Variants in PIK3CB observed in about 807,000 individuals in gnomAD.
PIK3CB encodes the protein phosphatidylinositol 4,5-bisphosphate 3-kinase catalytic subunit beta isoform.
In PIK3CB, 39 loss-of-function variants were observed where a neutral mutation model predicts 136.8. The observed-to-expected ratio is 0.29, with a 90% CI of 0.22 to 0.37. PIK3CB has a LOEUF of 0.37. Among genes scored for constraint, PIK3CB ranks in the 10% least tolerant of loss-of-function variants. PIK3CB has a pLI of 1.00. For missense variants in PIK3CB, 868 were observed against 1,275.4 expected, an observed-to-expected ratio of 0.68 and a Z score of 4.87; for synonymous variants, 428 against 436.6, an observed-to-expected ratio of 0.98 and a Z score of 0.25.
At chr3:138,694,697 T>G in intron 14 of PIK3CB, 89 bp downstream of exon 14, 1 of 1,347,172 alleles carries the variant, frequency 7.4e-7, no homozygotes, top group Non-Finnish European at 1.0e-6. Flanking sequence ...TGAGCCCTTT[T>G]CTTTCTTATG....
intron 2 of PIK3CB, among the ~76,000 whole-genome samples, chr3:138,788,997 A>AAAAAC (rs1559879235): frequency 6.7e-6 from 1 of 150,088 alleles, no homozygotes; most frequent in African/African-American, 2.5e-5. Context: ...AAAAAACAAA[A>AAAAAC]AACAACACCA....
Position 138,681,775 on chromosome 3 carries a change from CAT to C in PIK3CB, c.2504+190_2504+191del, listed in dbSNP as rs575487371. Among the ~76,000 whole-genome samples, 703 of 152,216 alleles carry C rather than the reference CAT, an allele frequency of 4.6e-3. 7 individuals are homozygous for C. Among genetic ancestry groups the C allele is most frequent in the African/African-American group, 0.015 (614 of 41,556 alleles). ...TTCCTTCTTTCTGGAATTTCAGTAA[CAT>C]GTGTAGTTTTAAACTGAAAAAGTTT... On this transcript the variant is annotated intron_variant, in intron 19 of 23. Transcript: ENST00000674063.
Position 138,755,881 on chromosome 3 carries a change from C to T in PIK3CB, c.270G>A (p.Glu90=), listed in dbSNP as rs1250072574. 3 of 1,611,582 alleles carry T rather than the reference C, an allele frequency of 1.9e-6. No individual in the cohort carries two copies. Among genetic ancestry groups the T allele is most frequent in the African/African-American group, 1.3e-5 (1 of 74,972 alleles). ...GTCTTCGTGTTTCATCTTCAAGCTC[C>T]TCATATACAGCAGTCTGATTCACAC... ...FACVNQTAVY[E]ELEDETRRLC... The change falls in exon 4 of 24, where the codon GAG becomes GAA. Residue 90 remains glutamate, a synonymous_variant. Transcript: ENST00000674063.
intron 3 of PIK3CB, 61 bp downstream of exon 3, chr3:138,759,112 T>G: frequency 3.0e-6 from 3 of 998,636 alleles, no homozygotes; most frequent in South Asian, 2.1e-5. Context: ...TATTATAGAA[T>G]GATATTTCCC....
At chr3:138,699,198 T>C (rs1008887412) in intron 12 of PIK3CB, 103 bp from the exon 13 acceptor site, 4 of 347,078 alleles carry the variant, frequency 1.2e-5, no homozygotes, top group African/African-American at 8.9e-5. Flanking sequence ...AACCTAAGTA[T>C]GTGAGATACA....
chr3:138,794,600 T>C (rs1395770714), intron 2 of PIK3CB, among the ~76,000 whole-genome samples: 1 of 152,180 alleles, frequency 6.6e-6, no homozygotes, highest in African/African-American at 2.4e-5. Context: ...CTGGAGGCCA[T>C]TATATACTGA....
intron 19 of PIK3CB, among the ~76,000 whole-genome samples, chr3:138,668,385 A>C (rs901454802): frequency 6.6e-6 from 1 of 152,180 alleles, no homozygotes; most frequent in Non-Finnish European, 1.5e-5. Context: ...CACAATGAGA[A>C]GGAAAAAACA....
At chr3:138,701,233 A>G (rs2044246131) in intron 12 of PIK3CB, among the ~76,000 whole-genome samples, 1 of 151,928 alleles carries the variant, frequency 6.6e-6, no homozygotes, top group South Asian at 2.1e-4. Flanking sequence ...AAAACAAAAA[A>G]CAAACAAACA....
At chr3:138,665,656 C>T (rs1223552278) in intron 19 of PIK3CB, among the ~76,000 whole-genome samples, 1 of 152,200 alleles carries the variant, frequency 6.6e-6, no homozygotes, top group African/African-American at 2.4e-5. Context: ...ACAGCCTCTA[C>T]TTGCCAGCCT....
chr3:138,793,690 A>G (rs1470866588), intron 2 of PIK3CB, among the ~76,000 whole-genome samples: 2 of 152,242 alleles, frequency 1.3e-5, no homozygotes, highest in East Asian at 3.9e-4. Flanking sequence ...TGTTTCTACA[A>G]TAAGGTGGAT....
chr3:138,713,831 A>C (rs529649394), intron 9 of PIK3CB, among the ~76,000 whole-genome samples: 60 of 152,336 alleles, frequency 3.9e-4, no homozygotes, highest in African/African-American at 1.4e-3. Flanking sequence ...TGGAAGATGA[A>C]AGTATGACAA....
In PIK3CB at chr3:138,769,086, T is replaced by A. The variant is rs566464796; in HGVS notation, c.-16-9727A>T. Among the ~76,000 whole-genome samples, 17 of 152,062 alleles carry A rather than the reference T, an allele frequency of 1.1e-4. No homozygotes were observed. The South Asian group carries it at 1.9e-3, about 17-fold the overall frequency. On this transcript the variant is annotated intron_variant, in intron 2 of 23. Transcript: ENST00000674063. ...GTAGCTGCAGCTGCTCCTGGGAAGCTCCCACCCACTAACTTGGAAGGGATG... is the reference window on the plus strand; with the variant it reads ...GTAGCTGCAGCTGCTCCTGGGAAGCACCCACCCACTAACTTGGAAGGGATG...
chr3:138,826,035 C>T (rs1933770888), intron 1 of PIK3CB: 2 of 1,312,214 alleles, frequency 1.5e-6, no homozygotes, highest in Non-Finnish European at 2.2e-6. Flanking sequence ...GATTGTCACA[C>T]AGCTTACACA....
intron 12 of PIK3CB, among the ~76,000 whole-genome samples, chr3:138,702,054 G>A (rs2044265882): frequency 6.6e-6 from 1 of 151,144 alleles, no homozygotes; most frequent in Non-Finnish European, 1.5e-5. Flanking sequence ...TAGCTCTGGA[G>A]AGGAAGGTAG....
intron 2 of PIK3CB, among the ~76,000 whole-genome samples, chr3:138,771,520 T>C (rs2045799769): frequency 6.6e-6 from 1 of 152,168 alleles, no homozygotes. Flanking sequence ...CGCCCGGCCC[T>C]AGAACTTCAT....
chr3:138,782,645 T>C (rs2045934658), intron 2 of PIK3CB, among the ~76,000 whole-genome samples: 2 of 152,188 alleles, frequency 1.3e-5, no homozygotes, highest in Non-Finnish European at 1.5e-5. Flanking sequence ...GAATGTTCAG[T>C]GGAAATGACC....
rs1205820765 is a variant in PIK3CB, at chr3:138,802,140, G to A, written c.-121-5573C>T. Among the ~76,000 whole-genome samples the A allele has an allele frequency of 3.3e-5, 5 of 151,732 alleles. No individual in the cohort carries two copies. In the East Asian group the frequency reaches 7.8e-4, roughly 24 times the overall value. On this transcript the variant is annotated intron_variant, in intron 1 of 23. Coordinates refer to ENST00000674063, the MANE Select transcript of PIK3CB (RefSeq NM_006219.3). ...TATAATCTCAGAACTTTGGGAGGTC[G>A]AGGCAGGTGGATCACTCGAGGTCAG...
intron 8 of PIK3CB, among the ~76,000 whole-genome samples, 177 bp from the exon 9 acceptor site, chr3:138,714,896 A>G (rs2044576820): frequency 1.3e-5 from 2 of 152,204 alleles, no homozygotes; most frequent in Non-Finnish European, 2.9e-5. Flanking sequence ...CTGCAGAACC[A>G]CTAGAGTGTA....
intron 21 of PIK3CB, among the ~76,000 whole-genome samples, chr3:138,662,646 C>T (rs1424475804): frequency 1.3e-5 from 2 of 150,650 alleles, no homozygotes; most frequent in Non-Finnish European, 3.0e-5. Flanking sequence ...ATGGCTGGGT[C>T]AAATGGTATT....
Sources: gnomAD v4.1 joint callset for allele counts (sites outside exome capture counted in the v4.1 genomes callset) on GRCh38, gnomAD v4.1.1 for gene constraint, MANE v1.5 for transcripts, NCBI Gene and HGNC (gene_info 2026-07-23, HGNC 2026-07-21) for gene names.